The following SEMA3D variants were observed in gnomAD, a reference collection of about 807,000 sequenced individuals.
SEMA3D encodes the protein semaphorin 3D, also known as semaphorin-3D.
SEMA3D carries 84 observed loss-of-function variants against 100.1 expected under a neutral mutation model. That is an observed-to-expected ratio of 0.84 (90% CI 0.70 to 1.01). SEMA3D has a LOEUF of 1.01. SEMA3D is among the 50% of genes least tolerant of loss of function. The pLI is 0.00. For missense variants in SEMA3D, 875 were observed against 934.1 expected, an observed-to-expected ratio of 0.94 and a Z score of 0.82; for synonymous variants, 312 against 320.7, an observed-to-expected ratio of 0.97 and a Z score of 0.29.
the SEMA3D span, among the ~76,000 whole-genome samples, chr7:85,245,837 C>CA: frequency 1.3e-5 from 2 of 152,010 alleles, no homozygotes. Flanking sequence ...CACATAGTAA[C>CA]AAAACATGTA....
At chr7:85,249,691 T>G in the SEMA3D span, among the ~76,000 whole-genome samples, 1 of 152,220 alleles carries the variant, frequency 6.6e-6, no homozygotes, top group African/African-American at 2.4e-5. Flanking sequence ...GTGGTGTTAA[T>G]CAGAACCTGA....
At chr7:85,047,741 A>G (rs914632208) in intron 9 of SEMA3D, among the ~76,000 whole-genome samples, 5 of 151,920 alleles carry the variant, frequency 3.3e-5, no homozygotes, top group African/African-American at 1.2e-4. Context: ...GAAGGACACC[A>G]GTTTCAAATC....
chr7:85,103,716 C>T (rs1788818568), intron 3 of SEMA3D, among the ~76,000 whole-genome samples: 1 of 152,048 alleles, frequency 6.6e-6, no homozygotes, highest in Admixed American at 6.6e-5. Context: ...TGTTCAAATT[C>T]CCACTTTTGT....
At position 85,065,549 on chromosome 7, in the gene SEMA3D, T is replaced by C; in HGVS notation, c.593A>G (p.Glu198Gly). Residue 198 changes from glutamate (E) to glycine (G), a missense_variant, in exon 8 of 19, where the codon GAG becomes GGG. Glu to Gly is a moderately conservative substitution (Grantham distance 98). Coordinates refer to ENST00000284136, the MANE Select transcript of SEMA3D (RefSeq NM_001384900.1). The part of the protein sequence containing the change: ...QQPFASVMTD[E>G]YLYSGTASDF... ...AGAAGCTGTTCCAGAGTAGAGGTAC[T>C]CATCTGAGAGGGAGAAAAAAGTACA... 3 of 1,612,544 alleles carry C rather than the reference T, an allele frequency of 1.9e-6. No homozygotes were observed. Among genetic ancestry groups the C allele is most frequent in the Non-Finnish European group, 2.5e-6 (3 of 1,178,822 alleles).
At chr7:85,225,120 A>T in the SEMA3D span, among the ~76,000 whole-genome samples, 1 of 127,648 alleles carries the variant, frequency 7.8e-6, no homozygotes, top group Non-Finnish European at 1.6e-5. Flanking sequence ...ACATATATAC[A>T]TATATATAAT....
At chr7:85,181,340 A>ACG (rs1791400210) in intron 1 of SEMA3D, among the ~76,000 whole-genome samples, 1 of 132,626 alleles carries the variant, frequency 7.5e-6, no homozygotes, top group Non-Finnish European at 1.6e-5. Context: ...ACACACACAC[A>ACG]CACACACACA....
intron 2 of SEMA3D, among the ~76,000 whole-genome samples, chr7:85,135,718 GA>G (rs921178851): frequency 1.4e-5 from 2 of 146,886 alleles, no homozygotes; most frequent in African/African-American, 2.5e-5. Flanking sequence ...AAATTAATTA[GA>G]AAAAAATCAA....
chr7:85,154,069 C>T (rs1434390438), intron 1 of SEMA3D, among the ~76,000 whole-genome samples: 1 of 152,062 alleles, frequency 6.6e-6, no homozygotes, highest in African/African-American at 2.4e-5. Context: ...CCCCATGGCC[C>T]AGTCAAGTGG....
chr7:85,116,195 T>C (rs575966323), intron 3 of SEMA3D, among the ~76,000 whole-genome samples: 2 of 149,770 alleles, frequency 1.3e-5, no homozygotes, highest in African/African-American at 4.9e-5. Flanking sequence ...AAACTATATA[T>C]GTATATATGC....
chr7:85,247,321 T>TA, the SEMA3D span, among the ~76,000 whole-genome samples: 15 of 152,138 alleles, frequency 9.9e-5, no homozygotes, highest in African/African-American at 3.6e-4. Context: ...TCTCATTATA[T>TA]AAAAAATAAA....
At chr7:85,245,784 CTTAG>C in the SEMA3D span, among the ~76,000 whole-genome samples, 1 of 152,076 alleles carries the variant, frequency 6.6e-6, no homozygotes, top group African/African-American at 2.4e-5. Flanking sequence ...TATATCTTCT[CTTAG>C]TAAGATTTCT....
chr7:85,227,491 A>G, the SEMA3D span, among the ~76,000 whole-genome samples: 1 of 152,130 alleles, frequency 6.6e-6, no homozygotes. Context: ...CCCTCACTAG[A>G]TGTTGAATAT....
At chr7:85,068,422 T>A in intron 6 of SEMA3D, 138 bp from the exon 7 acceptor site, 1 of 586,142 alleles carries the variant, frequency 1.7e-6, no homozygotes. Flanking sequence ...AATGCTGAAC[T>A]CCTTAACTTT....
At chr7:85,158,245 A>G (rs937460317) in intron 1 of SEMA3D, among the ~76,000 whole-genome samples, 1 of 152,174 alleles carries the variant, frequency 6.6e-6, no homozygotes, top group Admixed American at 6.5e-5. Context: ...ACAGAGCCAT[A>G]TTTCTCTTCT....
chr7:85,233,438 C>T, the SEMA3D span, among the ~76,000 whole-genome samples: 1 of 152,124 alleles, frequency 6.6e-6, no homozygotes, highest in South Asian at 2.1e-4. Context: ...TGCCTTACTT[C>T]TAAATCCTTA....
chr7:85,002,879 A>G (rs1173309600), intron 18 of SEMA3D, among the ~76,000 whole-genome samples: 1 of 152,108 alleles, frequency 6.6e-6, no homozygotes, highest in Non-Finnish European at 1.5e-5. Context: ...AAGGTCAGGG[A>G]CTTTATCTCT....
chr7:85,081,511 A>G lies in SEMA3D; in HGVS notation c.375+6T>C, dbSNP rs1230378708. The G allele has an allele frequency of 1.9e-6, 3 of 1,587,628 alleles. No individual in the cohort carries two copies. The highest frequency in any genetic ancestry group is 2.6e-6 in the Non-Finnish European group (3 of 1,156,096). ...ACAAAGATAATTGTTACAGTTTCATACTTACATTGGCATCTTTCCCAGCTA... is the reference window on the plus strand; with the variant it reads ...ACAAAGATAATTGTTACAGTTTCATGCTTACATTGGCATCTTTCCCAGCTA... On this transcript the variant is annotated splice_donor_region_variant and intron_variant, in intron 5 of 18. Transcript: ENST00000284136.
intron 18 of SEMA3D, among the ~76,000 whole-genome samples, chr7:85,000,845 G>A (rs1237172207): frequency 2.0e-5 from 3 of 152,138 alleles, no homozygotes; most frequent in Non-Finnish European, 4.4e-5. Context: ...CCTGCTTAAT[G>A]TGGAGTATTG....
At chr7:85,032,826 T>C (rs1038646097) in intron 12 of SEMA3D, among the ~76,000 whole-genome samples, 1 of 152,148 alleles carries the variant, frequency 6.6e-6, no homozygotes, top group Non-Finnish European at 1.5e-5. Context: ...TTAAGTTCTA[T>C]AAAAGGACAT....
Sources: gnomAD v4.1 joint callset for allele counts (sites outside exome capture counted in the v4.1 genomes callset) on GRCh38, gnomAD v4.1.1 for gene constraint, MANE v1.5 for transcripts, NCBI Gene and HGNC (gene_info 2026-07-23, HGNC 2026-07-21) for gene names.